Variants in GBP6 observed in about 807,000 individuals in gnomAD.
The protein encoded by GBP6 is guanylate binding protein family member 6, also known as guanylate-binding protein 6.
A neutral mutation model predicts 61.5 loss-of-function variants in GBP6; 54 were observed. The observed-to-expected ratio is 0.88, with a 90% CI of 0.71 to 1.10. GBP6 has a LOEUF of 1.10. Ranked by LOEUF, GBP6 falls within the 50% of genes least tolerant of loss-of-function variation. The probability of loss-of-function intolerance (pLI) is 0.00; values close to 1 mark genes in which losing one functional copy is unlikely to be tolerated. For synonymous variants in GBP6, 255 were observed against 273.7 expected, an observed-to-expected ratio of 0.93 and a Z score of 0.67; for missense variants, 748 against 752.8, an observed-to-expected ratio of 0.99 and a Z score of 0.07.
intron 1 of GBP6, among the ~76,000 whole-genome samples, chr1:89,368,142 A>T (rs1230164240): frequency 6.6e-6 from 1 of 152,158 alleles, no homozygotes; most frequent in Non-Finnish European, 1.5e-5. Context: ...TGATTTCTGC[A>T]TTCATCCTTT....
intron 3 of GBP6, among the ~76,000 whole-genome samples, chr1:89,371,431 C>T (rs1048730620): frequency 2.7e-4 from 41 of 152,042 alleles, no homozygotes; most frequent in Non-Finnish European, 4.4e-4. Context: ...ACTGGCAAAC[C>T]GAATCCAGCA....
Position 89,386,877 on chromosome 1 carries a change from C to G in GBP6, c.*1408C>G, listed in dbSNP as rs1268660903. Among the ~76,000 whole-genome samples, 1 of 152,152 alleles carries G rather than the reference C, an allele frequency of 6.6e-6. No individual in the cohort carries two copies. The highest frequency in any genetic ancestry group is 1.5e-5 in the Non-Finnish European group (1 of 68,028). On this transcript the variant is annotated 3_prime_UTR_variant, in exon 11 of 11. Transcript: ENST00000370456. ...GACACATAGAGGCCTGGTGTTGACCCTTAATTGTTAGAATCTAAGAAGATT... is the reference window on the plus strand; with the variant it reads ...GACACATAGAGGCCTGGTGTTGACCGTTAATTGTTAGAATCTAAGAAGATT...
chr1:89,379,883 G>A, intron 5 of GBP6, among the ~76,000 whole-genome samples: 1 of 152,202 alleles, frequency 6.6e-6, no homozygotes, highest in African/African-American at 2.4e-5. Flanking sequence ...TGCACCTGTA[G>A]TGTCAGCACT....
In GBP6 at chr1:89,380,372, T is replaced by C; in HGVS notation, c.626-14T>C. The stretch of plus-strand genomic sequence containing the variant: ...CTGTTTTCACTATATTCTCTGTTTT[T>C]TTTTATCCCTCAGGCAATAATCCCA... On this transcript the variant is annotated splice_polypyrimidine_tract_variant and intron_variant, in intron 5 of 10. Coordinates refer to ENST00000370456, the MANE Select transcript of GBP6 (RefSeq NM_198460.3). 6.2e-7 allele frequency: 1 copy of C among 1,611,320 alleles called. No individual in the cohort carries two copies. Among genetic ancestry groups the C allele is most frequent in the Non-Finnish European group, 8.5e-7 (1 of 1,177,750 alleles).
rs1377745161 is a variant in GBP6, at chr1:89,381,851, G to A, written c.1029G>A (p.Lys343=). The A allele has an allele frequency of 1.9e-6, 3 of 1,614,112 alleles. No individual in the cohort carries two copies. The Admixed American group carries it at 5.0e-5, about 27-fold the overall frequency. Residue 343 remains lysine, a synonymous_variant, in exon 7 of 11, where the codon AAG becomes AAA. Transcript: ENST00000370456. ...GCCAGCAGATGGCCCAGCGAGTGAA[G>A]CTCCCCACAGACACGCTCCAGGAGC... The part of the protein sequence containing the change: ...YYSQQMAQRV[K]LPTDTLQELL...
Position 89,383,650 on chromosome 1 carries a change from AG to A in GBP6, c.1366del. On this transcript the variant is annotated splice_acceptor_variant, in intron 8 of 10. Coordinates refer to ENST00000370456, the MANE Select transcript of GBP6 (RefSeq NM_198460.3). LOFTEE classifies it high-confidence loss of function. The stretch of plus-strand genomic sequence containing the variant: ...TCTAAGTGCTTTTTCTTCCTTCCAT[AG>A]GCAAAAGAGGTCTTCCAGAGGTTCC... The A allele has an allele frequency of 6.3e-7, 1 of 1,594,974 alleles. No individual in the cohort carries two copies. Among genetic ancestry groups the A allele is most frequent in the Non-Finnish European group, 8.5e-7 (1 of 1,172,090 alleles).
rs571158284 is a variant in GBP6, at chr1:89,364,770, T to A, written c.-24+643T>A. On this transcript the variant is annotated intron_variant, in intron 1 of 10. Transcript: ENST00000370456. ...GGCCTGGGAATCTGGGTTTGAACAA[T>A]CCTCTCAGTTGATTCTTTAAAAAAA... Among the ~76,000 whole-genome samples, 7 of 92,322 alleles carry A rather than the reference T, an allele frequency of 7.6e-5. No individual in the cohort carries two copies. In the South Asian group the frequency reaches 3.0e-3, roughly 40 times the overall value. 60.6% of individuals were successfully genotyped at this position (92,322 alleles called of 152,430 possible).
At position 89,380,394 on chromosome 1, in the gene GBP6, C is replaced by A. The variant is rs1652934818; in HGVS notation, c.634C>A (p.Pro212Thr). 6.2e-7 allele frequency: 1 copy of A among 1,613,320 alleles called. No homozygotes were observed. Among genetic ancestry groups the A allele is most frequent in the African/African-American group, 1.3e-5 (1 of 74,994 alleles). The change falls in exon 6 of 11, where the codon CCC (proline) becomes ACC (threonine). Residue 212 changes from proline to threonine, a missense_variant. Pro to Thr is a conservative substitution (Grantham distance 38). Coordinates refer to ENST00000370456, the MANE Select transcript of GBP6 (RefSeq NM_198460.3). ...NALKLIQGNN[P>T]RVQTSNFPRE... Reference sequence around the variant, plus strand: ...TTTTTTTTATCCCTCAGGCAATAATCCCAGAGTTCAAACATCCAATTTTCC... The same window carrying A: ...TTTTTTTTATCCCTCAGGCAATAATACCAGAGTTCAAACATCCAATTTTCC...
chr1:89,372,018 T>A (rs565021439), intron 3 of GBP6, among the ~76,000 whole-genome samples: 1 of 151,516 alleles, frequency 6.6e-6, no homozygotes, highest in Non-Finnish European at 1.5e-5. Context: ...TACACACCAA[T>A]AACAGACAAA....
In GBP6 at chr1:89,372,650, T is replaced by A. The variant is rs540901426; in HGVS notation, c.318+2977T>A. ...AACTGGATCCCTTCCTTACACCTTATACAAAAATTAATTCAAGATGGATTA... is the reference window on the plus strand; with the variant it reads ...AACTGGATCCCTTCCTTACACCTTAAACAAAAATTAATTCAAGATGGATTA... On this transcript the variant is annotated intron_variant, in intron 3 of 10. Transcript: ENST00000370456. 1.2e-3 allele frequency among the ~76,000 whole-genome samples: 190 copies of A among 152,234 alleles called. 1 individual carries two copies. The highest frequency in any genetic ancestry group is 4.3e-3 in the African/African-American group (179 of 41,528).
At position 89,381,884 on chromosome 1, in the gene GBP6, C is replaced by A. The variant is rs371371251; in HGVS notation, c.1062C>A (p.Asp354Glu). The A allele has an allele frequency of 3.7e-6, 6 of 1,614,108 alleles. No individual in the cohort carries two copies. The Admixed American group carries it at 8.3e-5, about 22-fold the overall frequency. The change falls in exon 7 of 11, where the codon GAC (aspartate) becomes GAA (glutamate). Residue 354 changes from aspartate (D) to glutamate (E), a missense_variant. Transcript: ENST00000370456. The stretch of plus-strand genomic sequence containing the variant: ...CAGACACGCTCCAGGAGCTGCTGGA[C>A]ATGCATGCGGCCTGTGAGAGGGAAG... ...LPTDTLQELL[D>E]MHAACEREAI...
chr1:89,372,245 T>C (rs1652664897), intron 3 of GBP6, among the ~76,000 whole-genome samples: 1 of 152,154 alleles, frequency 6.6e-6, no homozygotes, highest in African/African-American at 2.4e-5. Context: ...CGGCCCAAGG[T>C]AATTTATAGA....
chr1:89,382,383 T>A (rs1047935744), intron 7 of GBP6, among the ~76,000 whole-genome samples: 2 of 152,198 alleles, frequency 1.3e-5, no homozygotes, highest in African/African-American at 4.8e-5. Context: ...GAACACAGGA[T>A]GATACCATTG....
intron 5 of GBP6, 118 bp downstream of exon 5, chr1:89,378,731 G>A: frequency 1.4e-6 from 1 of 739,548 alleles, no homozygotes; most frequent in Non-Finnish European, 2.2e-6. Flanking sequence ...TGTAGAAACG[G>A]GGACTGAGGG....
chr1:89,367,978 T>C (rs982191686), intron 1 of GBP6, among the ~76,000 whole-genome samples: 1 of 152,234 alleles, frequency 6.6e-6, no homozygotes, highest in Non-Finnish European at 1.5e-5. Context: ...ATTTGCCTGG[T>C]TGCTATAGAC....
intron 5 of GBP6, among the ~76,000 whole-genome samples, chr1:89,379,719 G>T (rs891667118): frequency 6.6e-6 from 1 of 152,118 alleles, no homozygotes; most frequent in Non-Finnish European, 1.5e-5. Flanking sequence ...TGAACTCGTT[G>T]TTGCTTTCAT....
At chr1:89,384,595 T>C (rs1445254275) in intron 10 of GBP6, among the ~76,000 whole-genome samples, 2 of 152,202 alleles carry the variant, frequency 1.3e-5, no homozygotes, top group Non-Finnish European at 2.9e-5. Context: ...AAGTTAAACA[T>C]ATGTTCCACA....
chr1:89,382,126 G>A lies in GBP6; in HGVS notation c.1152+152G>A, dbSNP rs554137555. 2.7e-5 allele frequency: 21 copies of A among 771,582 alleles called. No individual in the cohort carries two copies. The South Asian group carries it at 3.8e-4, about 14-fold the overall frequency. The allele number at this position is 771,582 out of a possible 1,614,324, so 47.8% of individuals were successfully genotyped here. ...TAGAGTTTCAAAAGACTACATATAAGCACTTAACTAGAAAATCTTCTGATA... is the reference window on the plus strand; with the variant it reads ...TAGAGTTTCAAAAGACTACATATAAACACTTAACTAGAAAATCTTCTGATA... On this transcript the variant is annotated intron_variant, in intron 7 of 10. Coordinates refer to ENST00000370456, the MANE Select transcript of GBP6 (RefSeq NM_198460.3).
At position 89,369,547 on chromosome 1, in the gene GBP6, C is replaced by A. The variant is rs1557536862; in HGVS notation, c.192C>A (p.Gly64=). 1 of 1,613,376 alleles carries A rather than the reference C, an allele frequency of 6.2e-7. No homozygotes were observed. The highest frequency in any genetic ancestry group is 2.2e-5 in the East Asian group (1 of 44,874). Residue 64 remains glycine (G), a splice_region_variant and synonymous_variant, in exon 3 of 11, where the codon GGC becomes GGA. Transcript: ENST00000370456. ...LMNHLAGQNH[G]FPLGSTVQSE... is the part of the protein sequence containing the mutation. ...TTAGCTTCCTCCTCTTCCCTGCAGG[C>A]TTCCCTCTGGGCTCCACGGTGCAGT...
Sources: gnomAD v4.1 joint callset for allele counts (sites outside exome capture counted in the v4.1 genomes callset) on GRCh38, gnomAD v4.1.1 for gene constraint, MANE v1.5 for transcripts, NCBI Gene and HGNC (gene_info 2026-07-23, HGNC 2026-07-21) for gene names.